The following CNTNAP3B variants were observed in gnomAD, a reference collection of about 807,000 sequenced individuals.
CNTNAP3B encodes contactin associated protein family member 3B, also known as contactin-associated protein-like 3B.
CNTNAP3B carries 25 observed loss-of-function variants against 108.9 expected under a neutral mutation model. That is an observed-to-expected ratio of 0.23 (90% CI 0.17 to 0.32). The LOEUF (loss-of-function observed/expected upper bound fraction) is 0.32. Ranked by LOEUF, CNTNAP3B falls within the 10% of genes least tolerant of loss-of-function variation. The probability of loss-of-function intolerance (pLI) is 1.00; values close to 1 mark genes in which losing one functional copy is unlikely to be tolerated. For synonymous variants in CNTNAP3B, 103 were observed against 473.4 expected, an observed-to-expected ratio of 0.22 and a Z score of 10.16; for missense variants, 252 against 1,210.4, an observed-to-expected ratio of 0.21 and a Z score of 11.75.
chr9:42,055,590 G>A (rs1427568033), intron 3 of CNTNAP3B, among the ~76,000 whole-genome samples: 5 of 110,896 alleles, frequency 4.5e-5, no homozygotes, highest in Admixed American at 9.7e-5. Context: ...GCTGCTTAAC[G>A]TAAACTATAC....
chr9:41,921,502 AT>A (rs1338725016), intron 17 of CNTNAP3B, among the ~76,000 whole-genome samples: 2 of 150,780 alleles, frequency 1.3e-5, no homozygotes, highest in African/African-American at 4.9e-5. Context: ...TTGGGTGATA[AT>A]TTGTGATTTA....
chr9:41,953,443 A>G, intron 12 of CNTNAP3B, 57 bp from the exon 13 acceptor site: 10 of 1,514,434 alleles, frequency 6.6e-6, no homozygotes, highest in Non-Finnish European at 8.9e-6. Flanking sequence ...CAGCAGCAAG[A>G]GGCAAAGCAG....
chr9:42,129,211 T>A lies in CNTNAP3B; in HGVS notation c.-117A>T. On this transcript the variant is annotated 5_prime_UTR_variant, in exon 1 of 24. Transcript: ENST00000377561. ...TGCGCGGCTCCGACGCTGCTCTGTC[T>A]CCCCTGTCCAGTCTCTAGCTCTCTT... 1 of 1,402,394 alleles carries A rather than the reference T, an allele frequency of 7.1e-7. No homozygotes were observed. The highest frequency in any genetic ancestry group is 1.4e-5 in the South Asian group (1 of 73,502). 86.9% of individuals were successfully genotyped at this position (1,402,394 alleles called of 1,614,324 possible).
intron 8 of CNTNAP3B, among the ~76,000 whole-genome samples, chr9:41,990,568 C>T (rs1394366750): frequency 8.1e-6 from 1 of 123,242 alleles, no homozygotes; most frequent in Non-Finnish European, 1.7e-5. Context: ...ACATGTGCCT[C>T]TTACAGCCAA....
chr9:41,932,665 G>A (rs1410326290), intron 14 of CNTNAP3B, among the ~76,000 whole-genome samples: 478 of 152,132 alleles, frequency 3.1e-3, no homozygotes, highest in African/African-American at 0.01. Flanking sequence ...GATTACATGC[G>A]TGCGCCACTA....
At chr9:42,033,189 T>C (rs1449633679) in intron 3 of CNTNAP3B, among the ~76,000 whole-genome samples, 1 of 139,488 alleles carries the variant, frequency 7.2e-6, no homozygotes, top group Non-Finnish European at 1.5e-5. Context: ...AGAATCACTT[T>C]CCCATTAATA....
intron 13 of CNTNAP3B, among the ~76,000 whole-genome samples, chr9:41,942,437 C>T (rs1459616275): frequency 4.3e-4 from 65 of 151,892 alleles, no homozygotes; most frequent in African/African-American, 1.6e-3. Context: ...GGTGAAACCC[C>T]GTATCTACTA....
chr9:41,963,778 TC>T (rs1478165550), intron 11 of CNTNAP3B, among the ~76,000 whole-genome samples: 1 of 152,254 alleles, frequency 6.6e-6, no homozygotes, highest in African/African-American at 2.4e-5. Flanking sequence ...CAACTCCTCA[TC>T]TTCCCACAAA....
At chr9:41,917,059 C>T (rs1823535823) in intron 18 of CNTNAP3B, among the ~76,000 whole-genome samples, 1 of 151,990 alleles carries the variant, frequency 6.6e-6, no homozygotes, top group Non-Finnish European at 1.5e-5. Flanking sequence ...GCTTCTGTAT[C>T]TTAGATTAAT....
At chr9:42,075,222 G>A (rs1331366123) in intron 3 of CNTNAP3B, among the ~76,000 whole-genome samples, 1 of 146,544 alleles carries the variant, frequency 6.8e-6, no homozygotes, top group Non-Finnish European at 1.5e-5. Context: ...CAACCCTCCT[G>A]ACTACATTTT....
chr9:42,115,200 A>C (rs369045450), intron 1 of CNTNAP3B, among the ~76,000 whole-genome samples: 4 of 139,388 alleles, frequency 2.9e-5, no homozygotes, highest in East Asian at 2.2e-4. Flanking sequence ...ATAAGAAAAA[A>C]CAGAAGAAGC....
At chr9:41,963,750 G>A (rs1452485966) in intron 11 of CNTNAP3B, among the ~76,000 whole-genome samples, 3 of 151,380 alleles carry the variant, frequency 2.0e-5, no homozygotes, top group Admixed American at 6.6e-5. Flanking sequence ...CAAGGCTGTG[G>A]AGCCAACCTC....
intron 14 of CNTNAP3B, among the ~76,000 whole-genome samples, chr9:41,932,654 G>T (rs1383911814): frequency 6.6e-6 from 1 of 152,184 alleles, no homozygotes; most frequent in Non-Finnish European, 1.5e-5. Context: ...AGAGTAGCTG[G>T]GATTACATGC....
Position 42,091,910 on chromosome 9 carries a change from A to T in CNTNAP3B, c.196+12719T>A, listed in dbSNP as rs2118670182. 1.9e-5 allele frequency among the ~76,000 whole-genome samples: 2 copies of T among 106,646 alleles called. 1 individual carries two copies. Among genetic ancestry groups the T allele is most frequent in the African/African-American group, 7.3e-5 (2 of 27,556 alleles). 70.0% of individuals were successfully genotyped at this position (106,646 alleles called of 152,430 possible). ...TGGAAGAAAAACCATGTTCTCTAAA[A>T]CCCCATAAAGCTAAGTTTTCTAAAT... On this transcript the variant is annotated intron_variant, in intron 2 of 23. Transcript: ENST00000377561.
At chr9:42,116,184 G>C (rs1232596051) in intron 1 of CNTNAP3B, among the ~76,000 whole-genome samples, 1 of 138,370 alleles carries the variant, frequency 7.2e-6, no homozygotes, top group Non-Finnish European at 1.5e-5. Context: ...AGAGTAAAAA[G>C]AAATGAACAA....
chr9:41,944,914 A>AATTTACAAGAAAAAATCAACCTCATAC, intron 13 of CNTNAP3B, among the ~76,000 whole-genome samples: 1 of 152,380 alleles, frequency 6.6e-6, no homozygotes. Flanking sequence ...AACTTAAACA[A>AATTTACAAGAAAAAATCAACCTCATAC]ATTTACAAGA....
chr9:41,925,458 T>C (rs1345634665), intron 15 of CNTNAP3B, among the ~76,000 whole-genome samples: 1 of 152,124 alleles, frequency 6.6e-6, no homozygotes, highest in Non-Finnish European at 1.5e-5. Context: ...CCAGGCATGG[T>C]GGTGGGTGCC....
intron 13 of CNTNAP3B, among the ~76,000 whole-genome samples, chr9:41,947,803 G>A (rs2118120712): frequency 6.6e-6 from 1 of 152,362 alleles, no homozygotes. Context: ...AAAAAAAGAT[G>A]AGACAAACTA....
intron 1 of CNTNAP3B, among the ~76,000 whole-genome samples, chr9:42,120,451 G>C (rs1026575578): frequency 7.3e-6 from 1 of 137,892 alleles, no homozygotes; most frequent in Non-Finnish European, 1.5e-5. Context: ...AATACCATTT[G>C]ACCCAGCCAT....
Sources: allele counts gnomAD v4.1 joint callset (sites outside exome capture counted in the v4.1 genomes callset), GRCh38; gene constraint gnomAD v4.1.1; transcripts MANE v1.5; gene names NCBI Gene and HGNC (gene_info 2026-07-23, HGNC 2026-07-21).